TRPM1: variants seen among roughly 807,000 people sequenced by gnomAD.
TRPM1 encodes TRPM1-203 APA Isoform, Intron 10.
Under a neutral mutation model 149.4 loss-of-function variants are expected in TRPM1, and 113 were observed. That is an observed-to-expected ratio of 0.76 (90% CI 0.65 to 0.88). TRPM1 has a LOEUF of 0.88. TRPM1 is among the 40% of genes least tolerant of loss of function. The pLI is 0.00. For synonymous variants in TRPM1, 741 were observed against 759.5 expected, an observed-to-expected ratio of 0.98 and a Z score of 0.40; for missense variants, 1,976 against 2,038.7, an observed-to-expected ratio of 0.97 and a Z score of 0.59.
intron 1 of TRPM1, among the ~76,000 whole-genome samples, chr15:31,111,086 C>T (rs983922175): frequency 8.5e-5 from 13 of 152,128 alleles, no homozygotes; most frequent in South Asian, 2.1e-4. Context: ...AAACCAGTGA[C>T]TCTGTAGTGG....
At chr15:31,114,097 C>G (rs907775340) in intron 1 of TRPM1, among the ~76,000 whole-genome samples, 1 of 152,206 alleles carries the variant, frequency 6.6e-6, no homozygotes, top group African/African-American at 2.4e-5. Context: ...CAAGTCCCCA[C>G]TGGACACAGA....
intron 1 of TRPM1, among the ~76,000 whole-genome samples, chr15:31,136,748 C>CTTTT (rs2036094008): frequency 9.4e-6 from 1 of 106,556 alleles, no homozygotes; most frequent in Non-Finnish European, 2.0e-5. Flanking sequence ...CCGCCCCCAC[C>CTTTT]CTTTTTTTTT....
chr15:31,012,469 G>A (rs564170348), intron 27 of TRPM1, among the ~76,000 whole-genome samples: 1 of 152,258 alleles, frequency 6.6e-6, no homozygotes, highest in Non-Finnish European at 1.5e-5. Context: ...CTTCTGATGA[G>A]AGGTCAGCTT....
In TRPM1 at chr15:31,028,194, T is replaced by C. The variant is rs1038645567; in HGVS notation, c.3293+138A>G. On this transcript the variant is annotated intron_variant, in intron 25 of 27. Coordinates refer to ENST00000256552, the MANE Select transcript of TRPM1 (RefSeq NM_001252024.2). ...ACTGATTAAGTTTGAACAAAGAGACTGCAAAAATTGGATCTACTTAAAAAC... is the reference window on the plus strand; with the variant it reads ...ACTGATTAAGTTTGAACAAAGAGACCGCAAAAATTGGATCTACTTAAAAAC... The C allele has an allele frequency of 1.7e-5, 18 of 1,029,488 alleles. No individual in the cohort carries two copies. The African/African-American group carries it at 2.8e-4, about 16-fold the overall frequency. The allele number at this position is 1,029,488 out of a possible 1,614,324, so 63.8% of individuals were successfully genotyped here.
At chr15:31,021,860 T>G (rs2032562499) in intron 27 of TRPM1, among the ~76,000 whole-genome samples, 2 of 152,132 alleles carry the variant, frequency 1.3e-5, no homozygotes, top group African/African-American at 4.8e-5. Context: ...CAACTACACT[T>G]AAAATGTATA....
At chr15:31,042,985 C>T (rs1418207772) in intron 16 of TRPM1, among the ~76,000 whole-genome samples, 1 of 152,198 alleles carries the variant, frequency 6.6e-6, no homozygotes, top group Non-Finnish European at 1.5e-5. Context: ...TTGCAAACAG[C>T]GTTCCCATCA....
chr15:31,021,132 A>G (rs955376678), intron 27 of TRPM1, among the ~76,000 whole-genome samples: 2 of 152,172 alleles, frequency 1.3e-5, no homozygotes, highest in Admixed American at 6.5e-5. Flanking sequence ...CTTGAACCCT[A>G]TGAATTTAGA....
At chr15:31,072,271 G>A (rs12898941) in intron 3 of TRPM1, among the ~76,000 whole-genome samples, 67,422 of 151,510 alleles carry the variant, frequency 0.45, 16,291 homozygotes, top group East Asian at 0.81. Context: ...TCATATGAAT[G>A]CAGTCCTGTA....
At chr15:31,099,580 G>A (rs2035468857) in intron 1 of TRPM1, among the ~76,000 whole-genome samples, 1 of 152,194 alleles carries the variant, frequency 6.6e-6, no homozygotes, top group Admixed American at 6.5e-5. Flanking sequence ...AAATGCCTGA[G>A]TGTCATTTCA....
At chr15:31,150,747 G>A (rs1278100478) in intron 1 of TRPM1, among the ~76,000 whole-genome samples, 8 of 152,038 alleles carry the variant, frequency 5.3e-5, no homozygotes, top group Non-Finnish European at 7.4e-5. Flanking sequence ...GAATACTTTC[G>A]AACAAAAGAA....
intron 7 of TRPM1, 56 bp downstream of exon 7, chr15:31,066,020 G>A (rs2034364212): frequency 3.8e-6 from 6 of 1,585,466 alleles, no homozygotes; most frequent in Non-Finnish European, 5.2e-6. Flanking sequence ...TCTCAGCCTT[G>A]TTTCCACTGT....
At chr15:31,038,294 G>A in intron 18 of TRPM1, 128 bp from the exon 19 acceptor site, 1 of 1,079,568 alleles carries the variant, frequency 9.3e-7, no homozygotes, top group Non-Finnish European at 1.3e-6. Context: ...GTTATCCCTG[G>A]TCTGACGTTC....
intron 1 of TRPM1, among the ~76,000 whole-genome samples, chr15:31,126,967 A>AAAACAAACAAAC (rs71420550): frequency 0.24 from 35,403 of 150,516 alleles, 4,398 homozygotes; most frequent in Middle Eastern, 0.29. Context: ...ATCCTGTCTC[A>AAAACAAACAAAC]AAACAAACAA....
At chr15:31,131,433 T>C (rs1180388480) in intron 1 of TRPM1, among the ~76,000 whole-genome samples, 1 of 152,148 alleles carries the variant, frequency 6.6e-6, no homozygotes, top group Admixed American at 6.5e-5. Flanking sequence ...TGTGAAATTA[T>C]GAAGAAGGAA....
At chr15:31,135,683 C>G (rs1176469994) in intron 1 of TRPM1, among the ~76,000 whole-genome samples, 3 of 151,984 alleles carry the variant, frequency 2.0e-5, no homozygotes, top group African/African-American at 4.8e-5. Context: ...GTGCCGTCAT[C>G]CTTGCAGTAA....
At chr15:31,070,983 C>T (rs906370766) in intron 3 of TRPM1, among the ~76,000 whole-genome samples, 11 of 152,320 alleles carry the variant, frequency 7.2e-5, no homozygotes, top group South Asian at 2.1e-4. Context: ...GGCCATAACC[C>T]GCCCCAGCAT....
chr15:31,034,613 C>T (rs2033259996), intron 21 of TRPM1, among the ~76,000 whole-genome samples: 1 of 152,246 alleles, frequency 6.6e-6, no homozygotes, highest in Non-Finnish European at 1.5e-5. Context: ...CCTCACTTAG[C>T]TCCTTTTCCT....
chr15:31,007,354 G>A (rs534073278), intron 27 of TRPM1, among the ~76,000 whole-genome samples: 1 of 152,210 alleles, frequency 6.6e-6, no homozygotes, highest in African/African-American at 2.4e-5. Flanking sequence ...ATTTATGTAT[G>A]TGTTGGACCC....
intron 1 of TRPM1, among the ~76,000 whole-genome samples, chr15:31,096,725 C>T (rs1485098291): frequency 2.0e-5 from 3 of 152,236 alleles, no homozygotes; most frequent in East Asian, 1.9e-4. Context: ...CCTCTCCTTT[C>T]CCGATGTTCT....
Sources: allele counts gnomAD v4.1 joint callset (sites outside exome capture counted in the v4.1 genomes callset), GRCh38; gene constraint gnomAD v4.1.1; transcripts MANE v1.5; gene names NCBI Gene and HGNC (gene_info 2026-07-23, HGNC 2026-07-21).